The following EXOC4 variants were observed in gnomAD, a reference collection of about 807,000 sequenced individuals.
EXOC4 encodes exocyst complex component 4, also known as SEC8-like 1.
Under a neutral mutation model 107.2 loss-of-function variants are expected in EXOC4, and 71 were observed. That is an observed-to-expected ratio of 0.66 (90% CI 0.55 to 0.81). The LOEUF is 0.81. Ranked by LOEUF, EXOC4 falls within the 30% of genes least tolerant of loss-of-function variation. The pLI is 0.00. For synonymous variants in EXOC4, 456 were observed against 441.2 expected, an observed-to-expected ratio of 1.03 and a Z score of -0.42; for missense variants, 1,108 against 1,189.6, an observed-to-expected ratio of 0.93 and a Z score of 1.01.
intron 10 of EXOC4, among the ~76,000 whole-genome samples, chr7:133,730,318 C>A (rs1795300150): frequency 6.6e-6 from 1 of 151,610 alleles, no homozygotes; most frequent in Admixed American, 6.6e-5. Flanking sequence ...TCTACCTGGA[C>A]AGGGACCTTA....
At chr7:133,902,657 A>G (rs1252329704) in intron 12 of EXOC4, among the ~76,000 whole-genome samples, 1 of 152,126 alleles carries the variant, frequency 6.6e-6, no homozygotes, top group African/African-American at 2.4e-5. Context: ...GATTGAGACC[A>G]TCATGGCCAA....
At chr7:134,055,695 A>G (rs1795904402) in intron 17 of EXOC4, among the ~76,000 whole-genome samples, 2 of 152,142 alleles carry the variant, frequency 1.3e-5, no homozygotes, top group African/African-American at 4.8e-5. Context: ...AGGGCACTCC[A>G]ACTCTTTGTG....
chr7:133,470,261 C>T (rs1050081360), intron 7 of EXOC4, among the ~76,000 whole-genome samples: 1 of 152,094 alleles, frequency 6.6e-6, no homozygotes. Context: ...TGTATAACCA[C>T]AAACAGTTAT....
At chr7:133,703,231 A>C (rs1025964171) in intron 10 of EXOC4, among the ~76,000 whole-genome samples, 1 of 152,242 alleles carries the variant, frequency 6.6e-6, no homozygotes, top group Non-Finnish European at 1.5e-5. Context: ...TGTTGGCAAC[A>C]GCATATGTAG....
At chr7:133,348,798 A>G (rs1460879107) in intron 5 of EXOC4, among the ~76,000 whole-genome samples, 1 of 152,210 alleles carries the variant, frequency 6.6e-6, no homozygotes, top group Non-Finnish European at 1.5e-5. Context: ...TGAAATGTCA[A>G]ATTTGGAAAT....
intron 9 of EXOC4, among the ~76,000 whole-genome samples, chr7:133,627,780 T>A (rs1422567138): frequency 2.0e-5 from 3 of 152,190 alleles, no homozygotes. Context: ...GGATTTTTTT[T>A]AAATGAGAAA....
At chr7:133,301,262 A>G (rs1794635250) in intron 3 of EXOC4, among the ~76,000 whole-genome samples, 2 of 152,204 alleles carry the variant, frequency 1.3e-5, no homozygotes, top group African/African-American at 4.8e-5. Context: ...GCTTCAGGGC[A>G]TGTTTCTTTT....
intron 10 of EXOC4, among the ~76,000 whole-genome samples, chr7:133,749,533 C>T (rs12532950): frequency 0.48 from 72,132 of 151,734 alleles, 17,475 homozygotes; most frequent in South Asian, 0.62. Flanking sequence ...GCTGAGACTA[C>T]AGGGGCGCAC....
chr7:134,013,434 G>T (rs1311667570), intron 17 of EXOC4, among the ~76,000 whole-genome samples: 2 of 152,262 alleles, frequency 1.3e-5, no homozygotes, highest in East Asian at 3.9e-4. Context: ...CAGGAGCCTA[G>T]GAGACATGAT....
chr7:133,329,123 A>C (rs921721807), intron 5 of EXOC4, among the ~76,000 whole-genome samples: 8 of 151,042 alleles, frequency 5.3e-5, no homozygotes, highest in Non-Finnish European at 1.2e-4. Context: ...ATTTCTTTTC[A>C]CTCTTTTCCC....
intron 9 of EXOC4, among the ~76,000 whole-genome samples, chr7:133,505,286 A>G (rs909181325): frequency 6.6e-6 from 1 of 152,086 alleles, no homozygotes; most frequent in African/African-American, 2.4e-5. Context: ...CCACAGTCCG[A>G]TTTTGGCTTT....
chr7:134,015,933 G>C (rs574980328), intron 17 of EXOC4, among the ~76,000 whole-genome samples: 27 of 152,028 alleles, frequency 1.8e-4, no homozygotes, highest in Middle Eastern at 3.4e-3. Flanking sequence ...GCTTGGTGGT[G>C]GGGGGAGTGG....
chr7:133,699,196 T>C (rs1359410677), intron 10 of EXOC4, among the ~76,000 whole-genome samples: 1 of 152,206 alleles, frequency 6.6e-6, no homozygotes, highest in Admixed American at 6.5e-5. Flanking sequence ...CTCTTTCCCT[T>C]TTTTGCTCCT....
chr7:133,337,869 T>C (rs1398812332), intron 5 of EXOC4, among the ~76,000 whole-genome samples: 1 of 152,060 alleles, frequency 6.6e-6, no homozygotes, highest in Non-Finnish European at 1.5e-5. Flanking sequence ...TGGATTCAAG[T>C]AATCCACCTG....
chr7:133,447,550 A>C (rs1346221729), intron 7 of EXOC4, among the ~76,000 whole-genome samples: 1 of 152,066 alleles, frequency 6.6e-6, no homozygotes, highest in African/African-American at 2.4e-5. Flanking sequence ...CTTCATTAAA[A>C]ATTATAAAAT....
chr7:133,422,682 C>G (rs1222925881), intron 7 of EXOC4, among the ~76,000 whole-genome samples: 1 of 152,088 alleles, frequency 6.6e-6, no homozygotes, highest in Non-Finnish European at 1.5e-5. Flanking sequence ...TTCAGAATGA[C>G]ATTCAACTTA....
chr7:133,692,114 T>A (rs1291638298), intron 10 of EXOC4, among the ~76,000 whole-genome samples: 1 of 152,154 alleles, frequency 6.6e-6, no homozygotes, highest in Non-Finnish European at 1.5e-5. Context: ...TCTGTGGTAG[T>A]TTTAACCTGA....
rs199988707 is a variant in EXOC4, at chr7:133,342,642, TCCTCAGGAACA to T, written c.764-13685_764-13675del. 9.9e-3 allele frequency among the ~76,000 whole-genome samples: 1,502 copies of T among 152,274 alleles called. 20 individuals are homozygous for T. The highest frequency in any genetic ancestry group is 0.035 in the African/African-American group (1,446 of 41,542). ...TTCCAAACTTTTAGATTTTTCTTCT[TCCTCAGGAACA>T]CCAATTAATTTTAGGTTTGGTTGTT... is the stretch of plus-strand genomic sequence containing the variant. On this transcript the variant is annotated intron_variant, in intron 5 of 17. Coordinates refer to ENST00000253861, the MANE Select transcript of EXOC4 (RefSeq NM_021807.4).
chr7:134,044,100 G>T (rs1352553228), intron 17 of EXOC4, among the ~76,000 whole-genome samples: 7 of 152,152 alleles, frequency 4.6e-5, no homozygotes, highest in Non-Finnish European at 5.9e-5. Flanking sequence ...CTTGCCACTG[G>T]GTGAAGCCTA....
Sources: allele counts gnomAD v4.1 joint callset (sites outside exome capture counted in the v4.1 genomes callset), GRCh38; gene constraint gnomAD v4.1.1; transcripts MANE v1.5; gene names NCBI Gene and HGNC (gene_info 2026-07-23, HGNC 2026-07-21).